WHRN: variants seen among roughly 807,000 people sequenced by gnomAD.
WHRN encodes the protein CASK-interacting protein CIP98.
Under a neutral mutation model 68.3 loss-of-function variants are expected in WHRN, and 41 were observed. That is an observed-to-expected ratio of 0.60 (90% CI 0.47 to 0.78). The LOEUF (loss-of-function observed/expected upper bound fraction) is 0.78. Among genes scored for constraint, WHRN ranks in the 30% least tolerant of loss-of-function variants. The pLI is 0.00. For synonymous variants in WHRN, 560 were observed against 561.3 expected, an observed-to-expected ratio of 1.00 and a Z score of 0.03; for missense variants, 1,243 against 1,244.7, an observed-to-expected ratio of 1.00 and a Z score of 0.02.
chr9:114,435,870 A>G (rs1837804541), intron 3 of WHRN, among the ~76,000 whole-genome samples: 1 of 148,328 alleles, frequency 6.7e-6, no homozygotes, highest in Admixed American at 6.9e-5. Flanking sequence ...ACCTATATGA[A>G]GAAAACTTCA....
At chr9:114,425,370 G>T in intron 4 of WHRN, 2 of 587,894 alleles carry the variant, frequency 3.4e-6, no homozygotes, top group Non-Finnish European at 6.0e-6. Context: ...CAACCCTCAG[G>T]AGCTTAGGGG....
At position 114,478,622 on chromosome 9, in the gene WHRN, A is replaced by G. The variant is rs1841853194; in HGVS notation, c.768T>C (p.Gly256=). 16 of 1,613,866 alleles carry G rather than the reference A, an allele frequency of 9.9e-6. No homozygotes were observed. The highest frequency in any genetic ancestry group is 1.3e-5 in the African/African-American group (1 of 74,924). ...PPSGLPQPHG[G]ALRQQEGDRR... Reference sequence around the variant, plus strand: ...GGTCACCCTCCTGCTGCCTCAGGGCACCACCGTGGGGCTGGGGCAGGCCCG... The same window carrying G: ...GGTCACCCTCCTGCTGCCTCAGGGCGCCACCGTGGGGCTGGGGCAGGCCCG... Residue 256 remains glycine (G), a synonymous_variant, in exon 2 of 12, where the codon GGT becomes GGC. Coordinates refer to ENST00000362057, the MANE Select transcript of WHRN (RefSeq NM_015404.4).
chr9:114,479,237 G>T (rs766729512), intron 1 of WHRN, among the ~76,000 whole-genome samples: 1 of 152,172 alleles, frequency 6.6e-6, no homozygotes, highest in Admixed American at 6.5e-5. Context: ...CAGGGTCTAT[G>T]TCTACCAGCC....
At chr9:114,448,222 G>A (rs1268898751) in intron 3 of WHRN, among the ~76,000 whole-genome samples, 1 of 152,036 alleles carries the variant, frequency 6.6e-6, no homozygotes, top group African/African-American at 2.4e-5. Context: ...ATAAGAGAAC[G>A]GACAGGGAGA....
rs370955598 is a variant in WHRN at position 114,497,957 on chromosome 9, G to A, written c.618+6227C>T. 1.2e-3 allele frequency among the ~76,000 whole-genome samples: 178 copies of A among 152,186 alleles called. 1 individual carries two copies. Among genetic ancestry groups the A allele is most frequent in the East Asian group, 5.0e-3 (26 of 5,178 alleles). On this transcript the variant is annotated intron_variant, in intron 1 of 11. Transcript: ENST00000362057. ...CAGAGATGTCACGTGAACTGCCCACGGCCACAAAGCCAGCTTGGTGGTAAA... is the reference window on the plus strand; with the variant it reads ...CAGAGATGTCACGTGAACTGCCCACAGCCACAAAGCCAGCTTGGTGGTAAA...
At chr9:114,441,168 G>A (rs1454811447) in intron 3 of WHRN, among the ~76,000 whole-genome samples, 6 of 152,200 alleles carry the variant, frequency 3.9e-5, no homozygotes, top group Admixed American at 1.3e-4. Flanking sequence ...TAGCTTTATT[G>A]TAAGAATATG....
chr9:114,422,935 C>T (rs1836441086), intron 7 of WHRN, among the ~76,000 whole-genome samples: 3 of 152,172 alleles, frequency 2.0e-5, no homozygotes, highest in Admixed American at 2.0e-4. Context: ...ATGCCCACTA[C>T]CATCTACTGA....
At chr9:114,405,805 A>C (rs1259130184) in intron 9 of WHRN, among the ~76,000 whole-genome samples, 4 of 152,228 alleles carry the variant, frequency 2.6e-5, no homozygotes, top group African/African-American at 9.6e-5. Flanking sequence ...CGGGAGCTCC[A>C]CAGCTTTCAG....
chr9:114,458,763 G>A (rs1322868777), intron 3 of WHRN, among the ~76,000 whole-genome samples: 1 of 152,228 alleles, frequency 6.6e-6, no homozygotes, highest in Non-Finnish European at 1.5e-5. Context: ...GTTGAATGGG[G>A]AGGGTGGGAG....
intron 9 of WHRN, among the ~76,000 whole-genome samples, chr9:114,404,725 C>A (rs1180326912): frequency 6.6e-6 from 1 of 152,202 alleles, no homozygotes; most frequent in East Asian, 1.9e-4. Flanking sequence ...AGTAACAGAG[C>A]CTCTCTAAGC....
chr9:114,471,913 T>A (rs4979408), intron 2 of WHRN, among the ~76,000 whole-genome samples: 85,447 of 152,036 alleles, frequency 0.56, 24,556 homozygotes, highest in African/African-American at 0.66. Context: ...TGATGGCAGG[T>A]GCAGTGGCTG....
Position 114,426,362 on chromosome 9 carries a change from G to A in WHRN, c.1015C>T (p.His339Tyr), listed in dbSNP as rs746526842. ...VNGRSFLNIL[H>Y]DEAVRLLKSS... Reference sequence around the variant, plus strand: ...TTAAGCAGCCTGACAGCCTCGTCGTGTAGGATGTTGAGAAAGCTCCGCCCA... The same window carrying A: ...TTAAGCAGCCTGACAGCCTCGTCGTATAGGATGTTGAGAAAGCTCCGCCCA... Residue 339 changes from histidine to tyrosine, a missense_variant, in exon 4 of 12, where the codon CAC (histidine) becomes TAC (tyrosine). His to Tyr is a moderately conservative substitution (Grantham distance 83). Transcript: ENST00000362057. The A allele has an allele frequency of 6.2e-7, 1 of 1,614,006 alleles. No individual in the cohort carries two copies. Among genetic ancestry groups the A allele is most frequent in the African/African-American group, 1.3e-5 (1 of 74,934 alleles).
intron 9 of WHRN, among the ~76,000 whole-genome samples, chr9:114,406,024 G>A (rs1309470363): frequency 2.0e-5 from 3 of 152,250 alleles, no homozygotes; most frequent in Non-Finnish European, 4.4e-5. Flanking sequence ...TGCCCTCCAC[G>A]AGTTCAGTCC....
At chr9:114,403,144 A>G (rs1564112522) in intron 11 of WHRN, 73 bp downstream of exon 11, 85 of 1,606,646 alleles carry the variant, frequency 5.3e-5, no homozygotes, top group Non-Finnish European at 6.8e-5. Flanking sequence ...GGGAGTCGCA[A>G]AACCCTGGAG....
At position 114,406,558 on chromosome 9, in the gene WHRN, C is replaced by T. The variant is rs369493510; in HGVS notation, c.2033G>A (p.Gly678Asp). Reference protein sequence around the residue: ...HLALVNQHPIGPFPRVQSPPH... With the variant: ...HLALVNQHPIDPFPRVQSPPH... ...GGGTGACTGGACCCGTGGGAAGGGG[C>T]CGATGGGGTGTTGGTTGACCAGGGC... is the stretch of plus-strand genomic sequence containing the variant. Residue 678 changes from glycine to aspartate, a missense_variant, in exon 9 of 12, where the codon GGC (glycine) becomes GAC (aspartate). Coordinates refer to ENST00000362057, the MANE Select transcript of WHRN (RefSeq NM_015404.4). 1.2e-5 allele frequency: 19 copies of T among 1,611,966 alleles called. 1 individual carries two copies. In the South Asian group the frequency reaches 2.1e-4, roughly 18 times the overall value.
At chr9:114,486,452 T>G (rs1842480427) in intron 1 of WHRN, among the ~76,000 whole-genome samples, 1 of 152,210 alleles carries the variant, frequency 6.6e-6, no homozygotes, top group African/African-American at 2.4e-5. Flanking sequence ...ACATTACATG[T>G]TCTGTTTCCT....
At chr9:114,501,158 T>C (rs1843887353) in intron 1 of WHRN, among the ~76,000 whole-genome samples, 1 of 152,226 alleles carries the variant, frequency 6.6e-6, no homozygotes, top group Non-Finnish European at 1.5e-5. Flanking sequence ...GCAGCATCCC[T>C]GGTCTGTGGA....
intron 1 of WHRN, among the ~76,000 whole-genome samples, chr9:114,481,665 G>T (rs1035543677): frequency 6.6e-6 from 1 of 152,172 alleles, no homozygotes; most frequent in Admixed American, 6.5e-5. Context: ...TGTTCCGCCC[G>T]GCCTGCCTCC....
chr9:114,464,236 G>A (rs560383968), intron 3 of WHRN, among the ~76,000 whole-genome samples: 7 of 152,178 alleles, frequency 4.6e-5, no homozygotes, highest in Non-Finnish European at 8.8e-5. Flanking sequence ...GAAGACACAC[G>A]ATCCATGTAA....
Sources: gnomAD v4.1 joint callset for allele counts (sites outside exome capture counted in the v4.1 genomes callset) on GRCh38, gnomAD v4.1.1 for gene constraint, MANE v1.5 for transcripts, NCBI Gene and HGNC (gene_info 2026-07-23, HGNC 2026-07-21) for gene names.